The following USP54 variants were observed in gnomAD, a reference collection of about 807,000 sequenced individuals.
USP54 encodes the protein ubiquitin specific peptidase 54, also known as ubiquitin carboxyl-terminal hydrolase 54.
A neutral mutation model predicts 170.5 loss-of-function variants in USP54; 87 were observed. That is an observed-to-expected ratio of 0.51 (90% CI 0.43 to 0.61). The LOEUF is 0.61. Ranked by LOEUF, USP54 falls within the 20% of genes least tolerant of loss-of-function variation. USP54 has a pLI of 0.00. For synonymous variants in USP54, 655 were observed against 742.8 expected, an observed-to-expected ratio of 0.88 and a Z score of 1.92; for missense variants, 1,786 against 2,047.8, an observed-to-expected ratio of 0.87 and a Z score of 2.47.
At chr10:73,592,336 A>G (rs936442898), upstream of USP54, among the ~76,000 whole-genome samples, 1 of 152,000 alleles carries the variant, frequency 6.6e-6, no homozygotes, top group African/African-American at 2.4e-5. Context: ...CGAGTTGACT[A>G]AAAAAAAGAT....
At position 73,530,525 on chromosome 10, in the gene USP54, TA is replaced by T; in HGVS notation, c.1448-3del. On this transcript the variant is annotated splice_region_variant and splice_polypyrimidine_tract_variant and intron_variant, in intron 13 of 23. Transcript: ENST00000687698. ...CCTGCTTCTCTTTCAGTGTTTCTCC[TA>T]AAAACACAAAGAATGAAAGAAATAT... 1 of 1,600,980 alleles carries T rather than the reference TA, an allele frequency of 6.2e-7. No homozygotes were observed.
chr10:73,504,896 G>A lies in USP54; in HGVS notation c.4265C>T (p.Thr1422Ile). The A allele has an allele frequency of 1.9e-6, 3 of 1,614,026 alleles. No homozygotes were observed. The highest frequency in any genetic ancestry group is 1.7e-6 in the Non-Finnish European group (2 of 1,180,018). ...AGCTTCCTCCCTCTCTGAGACAACGGTGCCACTGAGACTGCGTGAGATGCG... is the reference window on the plus strand; with the variant it reads ...AGCTTCCTCCCTCTCTGAGACAACGATGCCACTGAGACTGCGTGAGATGCG... ...LRRISRSLSG[T>I]VVSEREEAPV... The change falls in exon 22 of 24, where the codon ACC (threonine) becomes ATC (isoleucine). Residue 1422 changes from threonine to isoleucine, a missense_variant. By Grantham distance (89) the Thr-to-Ile change is moderately conservative (BLOSUM62 -1). Coordinates refer to ENST00000687698, the MANE Select transcript of USP54 (RefSeq NM_001391956.1).
At chr10:73,594,964 C>A (rs1412017473), upstream of USP54, among the ~76,000 whole-genome samples, 1 of 151,004 alleles carries the variant, frequency 6.6e-6, no homozygotes, top group Non-Finnish European at 1.5e-5. Flanking sequence ...CTCACTCTGT[C>A]ACCCAGGCTG....
rs920142190 is a variant in USP54 at position 73,498,449 on chromosome 10, G to A, written c.*180C>T. 2 of 452,904 alleles carry A rather than the reference G, an allele frequency of 4.4e-6. No individual in the cohort carries two copies. Among genetic ancestry groups the A allele is most frequent in the African/African-American group, 4.0e-5 (2 of 50,510 alleles). The allele number at this position is 452,904 out of a possible 1,614,324, so 28.1% of individuals were successfully genotyped here. ...CACCGTCACGCCTGGCTAATTTTTTGTATTTTGGTAGAGACGGGGTTTCAC... is the reference window on the plus strand; with the variant it reads ...CACCGTCACGCCTGGCTAATTTTTTATATTTTGGTAGAGACGGGGTTTCAC... On this transcript the variant is annotated 3_prime_UTR_variant, in exon 24 of 24. Transcript: ENST00000687698.
At position 73,519,664 on chromosome 10, in the gene USP54, G is replaced by T. The variant is rs529132020; in HGVS notation, c.2678+133C>A. On this transcript the variant is annotated intron_variant, in intron 19 of 23. Transcript: ENST00000687698. ...GAGCTTTTCACTGTATGTCTGACCT[G>T]AAAGAAGAAAATCTTTTCAGAGGAC... 5.7e-6 allele frequency: 8 copies of T among 1,395,510 alleles called. No individual in the cohort carries two copies. The East Asian group carries it at 1.0e-4, about 17-fold the overall frequency. 86.4% of individuals were successfully genotyped at this position (1,395,510 alleles called of 1,614,324 possible). A position where few individuals can be genotyped will look rare whatever the true frequency, so the allele number is the denominator to read the frequency against.
chr10:73,558,719 G>T (rs558066608), intron 4 of USP54, among the ~76,000 whole-genome samples: 4 of 152,232 alleles, frequency 2.6e-5, no homozygotes, highest in African/African-American at 9.6e-5. Flanking sequence ...TACAGAATTG[G>T]CAAGTCCTTA....
chr10:73,498,533 C>A lies in USP54; in HGVS notation c.*96G>T. On this transcript the variant is annotated 3_prime_UTR_variant, in exon 24 of 24. Coordinates refer to ENST00000687698, the MANE Select transcript of USP54 (RefSeq NM_001391956.1). ...TCGTGATCCACCCGCCTCAGCCTCC[C>A]AAAGTGCTGGGATTACAGGTGTGAG... is the stretch of plus-strand genomic sequence containing the variant. The A allele has an allele frequency of 7.7e-7, 1 of 1,294,278 alleles. No homozygotes were observed. Among genetic ancestry groups the A allele is most frequent in the Non-Finnish European group, 1.0e-6 (1 of 961,650 alleles). The allele number at this position is 1,294,278 out of a possible 1,614,324, so 80.2% of individuals were successfully genotyped here. A position where few individuals can be genotyped will look rare whatever the true frequency, so the allele number is the denominator to read the frequency against.
chr10:73,604,481 C>A (rs1332415256), intron 1 of USP54, among the ~76,000 whole-genome samples: 1 of 151,910 alleles, frequency 6.6e-6, no homozygotes, highest in Non-Finnish European at 1.5e-5. Flanking sequence ...ACTTGCCAGG[C>A]ACATTGGCTC....
At chr10:73,612,151 C>T (rs1301360598) in intron 1 of USP54, among the ~76,000 whole-genome samples, 1 of 152,084 alleles carries the variant, frequency 6.6e-6, no homozygotes, top group African/African-American at 2.4e-5. Flanking sequence ...CTAATTTATC[C>T]TATATGTATA....
intron 19 of USP54, chr10:73,518,043 C>T (rs531085489): frequency 1.5e-5 from 7 of 475,654 alleles, no homozygotes; most frequent in South Asian, 8.9e-5. Flanking sequence ...CCTGTGAAGT[C>T]GCATTCCAAT....
intron 5 of USP54, among the ~76,000 whole-genome samples, chr10:73,543,567 C>G (rs1231015367): frequency 6.6e-6 from 1 of 152,048 alleles, no homozygotes; most frequent in Non-Finnish European, 1.5e-5. Flanking sequence ...GAGGTTTCAC[C>G]GTGTTAGCCA....
At chr10:73,529,505 T>G in intron 15 of USP54, 175 bp downstream of exon 15, 2 of 728,522 alleles carry the variant, frequency 2.7e-6, no homozygotes, top group South Asian at 3.0e-5. Flanking sequence ...CTCTCCTTTC[T>G]CAAGTGCCTC....
intron 1 of USP54, among the ~76,000 whole-genome samples, chr10:73,620,844 C>T (rs1397892290): frequency 1.3e-5 from 2 of 149,676 alleles, no homozygotes; most frequent in African/African-American, 5.1e-5. Context: ...GAGGCTGAGG[C>T]CAAGAGCAAA....
In USP54 at chr10:73,534,667, A is replaced by T. The variant is rs547055622; in HGVS notation, c.1248T>A (p.Ser416=). Residue 416 remains serine, a synonymous_variant, in exon 12 of 24, where the codon TCT becomes TCA. Coordinates refer to ENST00000687698, the MANE Select transcript of USP54 (RefSeq NM_001391956.1). Reference sequence around the variant, plus strand: ...TATAGATGACTGTCCCCTGAGAATCAGAAGAGAAGTGACTGACCACAGACT... The same window carrying T: ...TATAGATGACTGTCCCCTGAGAATCTGAAGAGAAGTGACTGACCACAGACT... The part of the protein sequence containing the change: ...HHESVVSHFS[S]DSQGTVIYNV... 6.2e-7 allele frequency: 1 copy of T among 1,614,192 alleles called. No individual in the cohort carries two copies. Among genetic ancestry groups the T allele is most frequent in the South Asian group, 1.1e-5 (1 of 91,084 alleles).
At chr10:73,593,327 T>C (rs957942613), upstream of USP54, among the ~76,000 whole-genome samples, 6 of 143,790 alleles carry the variant, frequency 4.2e-5, no homozygotes, top group African/African-American at 1.6e-4. Flanking sequence ...CAGTGAGCAG[T>C]GATTGTGTCG....
chr10:73,509,785 A>G (rs1564629241), intron 20 of USP54, among the ~76,000 whole-genome samples: 1 of 152,064 alleles, frequency 6.6e-6, no homozygotes, highest in Non-Finnish European at 1.5e-5. Context: ...AGGCGGGTAA[A>G]CTACTTGAGC....
intron 20 of USP54, among the ~76,000 whole-genome samples, chr10:73,510,241 A>C (rs1264658698): frequency 6.6e-6 from 1 of 152,000 alleles, no homozygotes; most frequent in Non-Finnish European, 1.5e-5. Flanking sequence ...AGGCTGAGGC[A>C]GGAGAATCAC....
chr10:73,604,522 G>A (rs775933764), intron 1 of USP54, among the ~76,000 whole-genome samples: 6 of 152,012 alleles, frequency 3.9e-5, no homozygotes, highest in Non-Finnish European at 5.9e-5. Context: ...TTGGGAGGCT[G>A]AGGCAGGATT....
intron 23 of USP54, chr10:73,499,462 T>C (rs2057591168): frequency 5.5e-6 from 2 of 360,424 alleles, no homozygotes; most frequent in Non-Finnish European, 1.0e-5. Context: ...TCATCCACTA[T>C]ACACACACCT....
Sources: gnomAD v4.1 joint callset for allele counts (sites outside exome capture counted in the v4.1 genomes callset) on GRCh38, gnomAD v4.1.1 for gene constraint, MANE v1.5 for transcripts, NCBI Gene and HGNC (gene_info 2026-07-23, HGNC 2026-07-21) for gene names.